The following TTC29 variants were observed in gnomAD, a reference collection of about 807,000 sequenced individuals.
TTC29 encodes tetratricopeptide repeat protein 29.
In TTC29, 49 loss-of-function variants were observed where a neutral mutation model predicts 58.1. That is an observed-to-expected ratio of 0.84 (90% confidence interval 0.67 to 1.07). The LOEUF (loss-of-function observed/expected upper bound fraction) is 1.07. TTC29 is among the 50% of genes least tolerant of loss of function. The pLI, the probability that TTC29 is intolerant of heterozygous loss-of-function variation, is 0.00. For missense variants in TTC29, 582 were observed against 555.6 expected (o/e 1.05, Z -0.48); for synonymous variants, 209 against 196.8 (o/e 1.06, Z -0.52).
intron 8 of TTC29, among the ~76,000 whole-genome samples, chr4:146,862,306 G>GCT (rs1730287227): frequency 6.6e-6 from 1 of 150,948 alleles, no homozygotes; most frequent in Non-Finnish European, 1.5e-5. Context: ...AATAAGGAGT[G>GCT]CTCTCTCCTG....
intron 11 of TTC29, among the ~76,000 whole-genome samples, chr4:146,780,549 T>C (rs187514886): frequency 6.6e-6 from 1 of 152,144 alleles, no homozygotes; most frequent in Non-Finnish European, 1.5e-5. Context: ...CTGGTATGTA[T>C]ATAGTGGAGA....
intron 11 of TTC29, among the ~76,000 whole-genome samples, chr4:146,734,666 G>T (rs890832659): frequency 6.6e-6 from 1 of 152,014 alleles, no homozygotes; most frequent in South Asian, 2.1e-4. Flanking sequence ...GGTGTCTGCT[G>T]CTTGGTGTAT....
At chr4:146,887,686 T>G (rs2150243105) in intron 6 of TTC29, among the ~76,000 whole-genome samples, 1 of 152,132 alleles carries the variant, frequency 6.6e-6, no homozygotes, top group East Asian at 1.9e-4. Flanking sequence ...CAACCCAGTT[T>G]TAAACAATTG....
intron 11 of TTC29, among the ~76,000 whole-genome samples, chr4:146,765,687 G>T (rs1427430308): frequency 6.6e-6 from 1 of 152,112 alleles, no homozygotes; most frequent in African/African-American, 2.4e-5. Flanking sequence ...ACTTGATTTG[G>T]GTTGTAATGT....
chr4:146,865,277 A>C (rs567211685), intron 8 of TTC29, among the ~76,000 whole-genome samples: 7 of 152,318 alleles, frequency 4.6e-5, no homozygotes, highest in African/African-American at 1.7e-4. Context: ...ATCTGATGAA[A>C]CTGTTCACTG....
intron 11 of TTC29, among the ~76,000 whole-genome samples, chr4:146,774,730 G>A (rs1161604261): frequency 6.6e-6 from 1 of 152,070 alleles, no homozygotes. Context: ...ACGTCTGTTA[G>A]GTCCATTTGG....
intron 11 of TTC29, among the ~76,000 whole-genome samples, chr4:146,724,065 C>T (rs1199244084): frequency 1.3e-5 from 2 of 152,284 alleles, no homozygotes; most frequent in South Asian, 2.1e-4. Flanking sequence ...AAATCATGTC[C>T]TTTGCAGCAA....
At chr4:146,708,324 A>ATATATACATG (rs1561046717) in intron 11 of TTC29, among the ~76,000 whole-genome samples, 7 of 35,660 alleles carry the variant, frequency 2.0e-4, no homozygotes, top group African/African-American at 4.1e-4. Context: ...ATATATATAT[A>ATATATACATG]TATATATATA....
intron 8 of TTC29, among the ~76,000 whole-genome samples, chr4:146,858,556 C>T (rs550215634): frequency 1.3e-4 from 20 of 152,142 alleles, no homozygotes; most frequent in South Asian, 2.1e-4. Flanking sequence ...TTGAGAATAC[C>T]GTAGGTCTAG....
At chr4:146,871,747 A>C (rs1287859668) in intron 7 of TTC29, among the ~76,000 whole-genome samples, 5 of 152,124 alleles carry the variant, frequency 3.3e-5, no homozygotes, top group Non-Finnish European at 5.9e-5. Flanking sequence ...CATTGAAAAA[A>C]ATTAAAGAAT....
intron 6 of TTC29, among the ~76,000 whole-genome samples, chr4:146,885,695 G>A (rs906133355): frequency 6.6e-5 from 10 of 151,934 alleles, no homozygotes; most frequent in Non-Finnish European, 1.0e-4. Flanking sequence ...CTAGGTTGGC[G>A]CAAAAGTAAT....
chr4:146,801,434 G>A (rs544715947), intron 11 of TTC29, among the ~76,000 whole-genome samples: 1 of 152,112 alleles, frequency 6.6e-6, no homozygotes, highest in South Asian at 2.1e-4. Context: ...TTATAATATT[G>A]TGGCTCATCC....
chr4:146,859,129 G>A (rs1730064306), intron 8 of TTC29, among the ~76,000 whole-genome samples: 1 of 152,106 alleles, frequency 6.6e-6, no homozygotes, highest in African/African-American at 2.4e-5. Context: ...AGGGAAGAGT[G>A]AGAATGCAGA....
chr4:146,719,192 GT>G lies in TTC29; in HGVS notation c.1331-11642del, dbSNP rs1561056923. On this transcript the variant is annotated intron_variant, in intron 11 of 12. Coordinates refer to ENST00000325106, the MANE Select transcript of TTC29 (RefSeq NM_031956.4). ...TCATCATTGCCTTGGCTATTGGGGTGTGTGTGTGTGTGTGTGTGTGTGTGTG... is the reference window on the plus strand; with the variant it reads ...TCATCATTGCCTTGGCTATTGGGGTGGTGTGTGTGTGTGTGTGTGTGTGTG... Among the ~76,000 whole-genome samples, 663 of 93,642 alleles carry G rather than the reference GT, an allele frequency of 7.1e-3. 8 individuals are homozygous for G. Among genetic ancestry groups the G allele is most frequent in the African/African-American group, 0.029 (604 of 21,122 alleles). 61.4% of individuals were successfully genotyped at this position (93,642 alleles called of 152,430 possible).
At chr4:146,739,732 C>T (rs1389971179) in intron 11 of TTC29, among the ~76,000 whole-genome samples, 1 of 152,162 alleles carries the variant, frequency 6.6e-6, no homozygotes, top group Non-Finnish European at 1.5e-5. Flanking sequence ...CTTTTCCCTA[C>T]AATCTCCACT....
chr4:146,844,325 CA>C (rs1231099113), intron 8 of TTC29, among the ~76,000 whole-genome samples: 2 of 152,120 alleles, frequency 1.3e-5, no homozygotes, highest in Non-Finnish European at 2.9e-5. Flanking sequence ...TTGGAACATA[CA>C]GCTCAAAACT....
intron 11 of TTC29, among the ~76,000 whole-genome samples, chr4:146,777,105 G>A (rs1212885766): frequency 6.6e-6 from 1 of 152,220 alleles, no homozygotes; most frequent in Non-Finnish European, 1.5e-5. Context: ...CAGGGGTGGG[G>A]ACAGGTAGTT....
At chr4:146,778,685 C>A (rs1748304787) in intron 11 of TTC29, among the ~76,000 whole-genome samples, 1 of 151,940 alleles carries the variant, frequency 6.6e-6, no homozygotes, top group Admixed American at 6.6e-5. Flanking sequence ...AAATGATGAG[C>A]AACAAAGAGC....
chr4:146,922,566 T>C (rs190653963), intron 4 of TTC29, among the ~76,000 whole-genome samples: 89 of 151,932 alleles, frequency 5.9e-4, no homozygotes, highest in African/African-American at 2.0e-3. Context: ...TACATGTAAT[T>C]AGCCTATTTA....
Sources: gnomAD v4.1 joint callset for allele counts (sites outside exome capture counted in the v4.1 genomes callset) on GRCh38, gnomAD v4.1.1 for gene constraint, MANE v1.5 for transcripts, NCBI Gene and HGNC (gene_info 2026-07-23, HGNC 2026-07-21) for gene names.